KIF13B: variants seen among roughly 807,000 people sequenced by gnomAD.
KIF13B encodes the protein kinesin-like protein KIF13B.
KIF13B carries 127 observed loss-of-function variants against 222.0 expected under a neutral mutation model. The ratio of observed to expected loss-of-function variants is 0.57; its 90% confidence interval spans 0.50 to 0.66. The LOEUF is 0.66. Ranked by LOEUF, KIF13B falls within the 30% of genes least tolerant of loss-of-function variation. KIF13B has a pLI of 0.00. For missense variants in KIF13B, 2,173 were observed against 2,379.0 expected, an observed-to-expected ratio of 0.91 and a Z score of 1.80; for synonymous variants, 976 against 919.0, an observed-to-expected ratio of 1.06 and a Z score of -1.12.
At chr8:29,207,806 GCTTCCAATAATC>G (rs1317165167) in intron 2 of KIF13B, among the ~76,000 whole-genome samples, 4 of 152,146 alleles carry the variant, frequency 2.6e-5, no homozygotes, top group African/African-American at 9.7e-5. Context: ...TGGCTCATCT[GCTTCCAATAATC>G]AGAGTTTTGG....
At chr8:29,079,285 T>C (rs1807700545) in intron 37 of KIF13B, among the ~76,000 whole-genome samples, 1 of 152,226 alleles carries the variant, frequency 6.6e-6, no homozygotes, top group African/African-American at 2.4e-5. Context: ...TGCTCATGCA[T>C]GATCGAATTC....
intron 13 of KIF13B, among the ~76,000 whole-genome samples, chr8:29,157,132 C>G (rs1811569550): frequency 6.6e-6 from 1 of 151,972 alleles, no homozygotes; most frequent in Admixed American, 6.6e-5. Flanking sequence ...TCCCCACCTC[C>G]ATGACTACAT....
chr8:29,096,497 GC>G (rs1294649509), intron 36 of KIF13B, among the ~76,000 whole-genome samples: 4 of 150,996 alleles, frequency 2.6e-5, no homozygotes, highest in Non-Finnish European at 5.9e-5. Context: ...ATGGGGTTTT[GC>G]CATGTTGCCC....
chr8:29,092,145 T>C (rs1338804133), intron 37 of KIF13B, among the ~76,000 whole-genome samples: 2 of 152,248 alleles, frequency 1.3e-5, no homozygotes, highest in African/African-American at 4.8e-5. Context: ...TTAACACCTA[T>C]ATAACGCTGG....
At chr8:29,256,444 ACCC>A (rs1816481590) in intron 1 of KIF13B, among the ~76,000 whole-genome samples, 1 of 151,214 alleles carries the variant, frequency 6.6e-6, no homozygotes, top group African/African-American at 2.4e-5. Context: ...CTCAAATTCC[ACCC>A]CCATTTCTTT....
intron 2 of KIF13B, among the ~76,000 whole-genome samples, chr8:29,240,311 A>C (rs1815714189): frequency 1.3e-5 from 2 of 151,172 alleles, no homozygotes; most frequent in Non-Finnish European, 2.9e-5. Flanking sequence ...CTTCATCACC[A>C]TGCACCCGCA....
At chr8:29,073,274 C>T (rs1239973959) in intron 38 of KIF13B, among the ~76,000 whole-genome samples, 4 of 152,114 alleles carry the variant, frequency 2.6e-5, no homozygotes, top group Admixed American at 6.5e-5. Context: ...GGCCTCGGAC[C>T]CTGGAGAGAG....
At chr8:29,129,962 A>G (rs188335454) in intron 24 of KIF13B, among the ~76,000 whole-genome samples, 55 of 152,346 alleles carry the variant, frequency 3.6e-4, no homozygotes, top group African/African-American at 1.1e-3. Flanking sequence ...CAGCCAGGAC[A>G]CTAGAGAGCC....
At chr8:29,151,658 T>C (rs1442547287) in intron 14 of KIF13B, among the ~76,000 whole-genome samples, 1 of 152,236 alleles carries the variant, frequency 6.6e-6, no homozygotes, top group Non-Finnish European at 1.5e-5. Flanking sequence ...CACAGTTTGC[T>C]GAATATTTTA....
At chr8:29,149,415 CA>C (rs1232823702) in intron 15 of KIF13B, among the ~76,000 whole-genome samples, 1 of 152,180 alleles carries the variant, frequency 6.6e-6, no homozygotes, top group Non-Finnish European at 1.5e-5. Flanking sequence ...GCACACCGAC[CA>C]GTGACAATAA....
chr8:29,110,719 G>A (rs1286978570), intron 32 of KIF13B: 1 of 152,270 alleles, frequency 6.6e-6, no homozygotes, highest in Non-Finnish European at 1.5e-5. Context: ...CCCCAATCCT[G>A]GGATGTGAGC....
chr8:29,118,895 C>T lies in KIF13B; in HGVS notation c.3633G>A (p.Leu1211=). 1 of 1,613,934 alleles carries T rather than the reference C, an allele frequency of 6.2e-7. No individual in the cohort carries two copies. The highest frequency in any genetic ancestry group is 8.5e-7 in the Non-Finnish European group (1 of 1,179,832). ...TGEEEEEFFE[L]QIVKQHDGEV... Reference sequence around the variant, plus strand: ...CCCCATCATGCTGCTTCACAATCTGCAATTCAAAGAACTCCTCTTCTTCTT... The same window carrying T: ...CCCCATCATGCTGCTTCACAATCTGTAATTCAAAGAACTCCTCTTCTTCTT... The change falls in exon 30 of 40, where the codon TTG becomes TTA. Residue 1211 remains leucine, a synonymous_variant. Transcript: ENST00000524189.
At chr8:29,183,168 GTTTTTT>G (rs58034349) in intron 6 of KIF13B, among the ~76,000 whole-genome samples, 1,384 of 117,690 alleles carry the variant, frequency 0.012, 22 homozygotes, top group African/African-American at 0.039. Context: ...CTTAAAGTTT[GTTTTTT>G]TTTTTTTTTT....
At chr8:29,260,265 A>C (rs760733885) in intron 1 of KIF13B, among the ~76,000 whole-genome samples, 15 of 152,254 alleles carry the variant, frequency 9.9e-5, no homozygotes, top group Non-Finnish European at 2.2e-4. Context: ...CAACCACTGA[A>C]TCACACAAGA....
intron 38 of KIF13B, among the ~76,000 whole-genome samples, chr8:29,073,142 AGGAGGGGGACG>A (rs1807389838): frequency 4.3e-5 from 1 of 23,298 alleles, no homozygotes; most frequent in Admixed American, 6.1e-4. Context: ...GAGGGGGACG[AGGAGGGGGACG>A]AGGAGGGGGA....
At chr8:29,161,994 C>T (rs1345164188) in intron 12 of KIF13B, among the ~76,000 whole-genome samples, 1 of 152,248 alleles carries the variant, frequency 6.6e-6, no homozygotes, top group Non-Finnish European at 1.5e-5. Flanking sequence ...TGCACTCAAG[C>T]GTTATTTTCA....
chr8:29,085,130 T>C (rs1476190404), intron 37 of KIF13B, among the ~76,000 whole-genome samples: 1 of 152,252 alleles, frequency 6.6e-6, no homozygotes, highest in Non-Finnish European at 1.5e-5. Context: ...AACCTTTCCG[T>C]TTCCATTTGA....
Position 29,191,074 on chromosome 8 carries a change from T to TAA in KIF13B, c.163-19_163-18dup. The stretch of plus-strand genomic sequence containing the variant: ...AGCAAACACCTGTTGAAAATGAACA[T>TAA]AAGTGTGTGTTAAGAAAACCTCAAC... On this transcript the variant is annotated splice_polypyrimidine_tract_variant and intron_variant, in intron 3 of 39. Transcript: ENST00000524189. 6.3e-7 allele frequency: 1 copy of TAA among 1,590,542 alleles called. No homozygotes were observed. Among genetic ancestry groups the TAA allele is most frequent in the Non-Finnish European group, 8.6e-7 (1 of 1,165,190 alleles).
chr8:29,243,540 C>A (rs1481389068), intron 2 of KIF13B, among the ~76,000 whole-genome samples: 1 of 151,764 alleles, frequency 6.6e-6, no homozygotes, highest in East Asian at 1.9e-4. Context: ...CCTGTAATCC[C>A]AGCTACTTGG....
Sources: gnomAD v4.1 joint callset for allele counts (sites outside exome capture counted in the v4.1 genomes callset) on GRCh38, gnomAD v4.1.1 for gene constraint, MANE v1.5 for transcripts, NCBI Gene and HGNC (gene_info 2026-07-23, HGNC 2026-07-21) for gene names.